The following CELF2 variants were observed in gnomAD, a reference collection of about 807,000 sequenced individuals.
CELF2 encodes CUGBP Elav-like family member 2.
In CELF2, 8 loss-of-function variants were observed where a neutral mutation model predicts 62.6. The observed-to-expected ratio is 0.13, with a 90% CI of 0.07 to 0.23. The LOEUF is 0.23. Among genes scored for constraint, CELF2 ranks in the 10% least tolerant of loss-of-function variants. The pLI, the probability that CELF2 is intolerant of heterozygous loss-of-function variation, is 1.00. For missense variants in CELF2, 333 were observed against 671.0 expected (o/e 0.50, Z 5.56); for synonymous variants, 258 against 250.0 (o/e 1.03, Z -0.30).
intron 1 of CELF2, among the ~76,000 whole-genome samples, chr10:11,127,454 T>C (rs1486080162): frequency 6.6e-6 from 1 of 152,214 alleles, no homozygotes; most frequent in Non-Finnish European, 1.5e-5. Flanking sequence ...TTCTAGATCC[T>C]TGAGGAATCA....
the CELF2 span, among the ~76,000 whole-genome samples, chr10:10,652,124 G>C: frequency 1.1e-5 from 1 of 91,774 alleles, no homozygotes; most frequent in African/African-American, 4.0e-5. Flanking sequence ...GGGTATCAGC[G>C]ATGGAAGATG....
At chr10:10,689,471 C>G in the CELF2 span, among the ~76,000 whole-genome samples, 5 of 146,120 alleles carry the variant, frequency 3.4e-5, no homozygotes, top group African/African-American at 1.3e-4. Flanking sequence ...AACCATATCA[C>G]CTTTGCAGTA....
Position 11,329,098 on chromosome 10 carries a change from G to GT in CELF2, c.*46dup. ...CTGCTCTCATTTTAGCTTTCTTAGG[G>GT]TAAGTCCCACGAGCCAGCCTGTCTC... On this transcript the variant is annotated 3_prime_UTR_variant, in exon 13 of 13. Coordinates refer to ENST00000633077, the MANE Select transcript of CELF2 (RefSeq NM_001326342.2). This position sits in a 1 kb window ranked among gnomAD's most constrained non-coding sequence, Gnocchi z 5.5. 1 of 1,562,152 alleles carries GT rather than the reference G, an allele frequency of 6.4e-7. No homozygotes were observed. The highest frequency in any genetic ancestry group is 8.7e-7 in the Non-Finnish European group (1 of 1,145,428).
the CELF2 span, among the ~76,000 whole-genome samples, chr10:10,600,355 A>C: frequency 2.0e-5 from 3 of 152,204 alleles, no homozygotes; most frequent in Non-Finnish European, 2.9e-5. Context: ...TGTTTTGAAG[A>C]CCACAGGACT....
In CELF2 at chr10:11,005,403, T is replaced by C. The variant is rs1347384081; in HGVS notation, c.16T>C (p.Ser6Pro). 1.2e-6 allele frequency: 2 copies of C among 1,613,916 alleles called. No individual in the cohort carries two copies. Among genetic ancestry groups the C allele is most frequent in the South Asian group, 2.2e-5 (2 of 91,078 alleles). ...GTATAGAAGCATGCGCTGTCCCAAA[T>C]CCGCTGTTACTATGAGAAATGAAGA... is the stretch of plus-strand genomic sequence containing the variant. Residue 6 changes from serine to proline, a missense_variant, in exon 1 of 13, where the codon TCC (serine) becomes CCC (proline). Transcript: ENST00000416382. The surrounding 1 kb of genome is among the most constrained non-coding windows in gnomAD (Gnocchi z 4.3).
the CELF2 span, among the ~76,000 whole-genome samples, chr10:10,475,329 TG>T: frequency 3.9e-5 from 6 of 152,044 alleles, no homozygotes; most frequent in Admixed American, 3.9e-4. Context: ...CCATGTCCCC[TG>T]AAACTTTGAC....
intron 1 of CELF2, among the ~76,000 whole-genome samples, chr10:11,160,559 T>C (rs1413295529): frequency 1.3e-5 from 2 of 150,980 alleles, no homozygotes; most frequent in East Asian, 3.9e-4. Flanking sequence ...ATGTATCTAG[T>C]GGCCACCATA....
the CELF2 span, among the ~76,000 whole-genome samples, chr10:10,717,429 C>T: frequency 6.6e-6 from 1 of 151,776 alleles, no homozygotes; most frequent in Non-Finnish European, 1.5e-5. Context: ...AAAACAGCCC[C>T]TTGAATGTCT....
intron 9 of CELF2, among the ~76,000 whole-genome samples, chr10:11,308,605 C>T (rs2094397704): frequency 1.3e-5 from 2 of 152,196 alleles, no homozygotes; most frequent in African/African-American, 4.8e-5. Flanking sequence ...AATCAGGACA[C>T]AAGTAAATTA....
chr10:11,324,649 C>T lies in CELF2; in HGVS notation c.1295-1187C>T, dbSNP rs1422520141. On this transcript the variant is annotated intron_variant, in intron 11 of 12. Coordinates refer to ENST00000633077, the MANE Select transcript of CELF2 (RefSeq NM_001326342.2). The surrounding 1 kb of genome is among the most constrained non-coding windows in gnomAD (Gnocchi z 4.7). ...AAGAAGTTTTCTTTGTGAAAAGTCC[C>T]AATCATTAGGATACTTTCTTGTGAT... Among the ~76,000 whole-genome samples, 4 of 152,196 alleles carry T rather than the reference C, an allele frequency of 2.6e-5. No homozygotes were observed. The highest frequency in any genetic ancestry group is 9.7e-5 in the African/African-American group (4 of 41,436).
intron 2 of CELF2, among the ~76,000 whole-genome samples, chr10:11,185,435 A>G (rs1436663110): frequency 6.6e-6 from 1 of 151,992 alleles, no homozygotes; most frequent in African/African-American, 2.4e-5. Flanking sequence ...TGCCCCCAAG[A>G]TGGAGTTTCA....
chr10:11,165,927 C>T lies in CELF2; in HGVS notation c.271+245C>T, dbSNP rs149960363. Among the ~76,000 whole-genome samples the T allele has an allele frequency of 2.5e-3, 375 of 152,352 alleles. 2 individuals carry two copies. Among genetic ancestry groups the T allele is most frequent in the African/African-American group, 8.7e-3 (363 of 41,594 alleles). ...GAGGCAGGGCGGGAGCGCAGAGGCT[C>T]GGTCCAGGCGCGTGATCGCTCCCGG... On this transcript the variant is annotated intron_variant, in intron 2 of 12. Coordinates refer to ENST00000633077, the MANE Select transcript of CELF2 (RefSeq NM_001326342.2). This position sits in a 1 kb window ranked among gnomAD's most constrained non-coding sequence, Gnocchi z 7.4.
chr10:10,637,902 A>G, the CELF2 span, among the ~76,000 whole-genome samples: 1 of 152,226 alleles, frequency 6.6e-6, no homozygotes, highest in Non-Finnish European at 1.5e-5. Context: ...CATTATATTT[A>G]CAAGGTTCAG....
Position 11,270,283 on chromosome 10 carries a change from G to A in CELF2, c.619-383G>A, listed in dbSNP as rs1364755801. 2.0e-5 allele frequency among the ~76,000 whole-genome samples: 3 copies of A among 152,182 alleles called. No homozygotes were observed. Among genetic ancestry groups the A allele is most frequent in the Admixed American group, 6.5e-5 (1 of 15,288 alleles). On this transcript the variant is annotated intron_variant, in intron 6 of 12. Transcript: ENST00000633077. This position sits in a 1 kb window ranked among gnomAD's most constrained non-coding sequence, Gnocchi z 5.8. ...CTCTGTCCACCTGTGGACACGGGCA[G>A]ACACACAAAGCCAAGTCTGTCTTTA...
intron 1 of CELF2, among the ~76,000 whole-genome samples, chr10:11,076,906 C>T (rs925318460): frequency 6.6e-6 from 1 of 152,084 alleles, no homozygotes; most frequent in Non-Finnish European, 1.5e-5. Flanking sequence ...TTATTGATAA[C>T]ATGTAGCTTT....
chr10:11,274,452 C>T (rs2085180139), intron 7 of CELF2, among the ~76,000 whole-genome samples: 2 of 152,186 alleles, frequency 1.3e-5, no homozygotes, highest in Admixed American at 6.5e-5. Flanking sequence ...CGCGTGACTT[C>T]GATGTACATA....
chr10:10,730,482 T>TA, the CELF2 span, among the ~76,000 whole-genome samples: 1,635 of 151,588 alleles, frequency 0.011, 27 homozygotes, highest in African/African-American at 0.036. Flanking sequence ...GTCTCAAAAA[T>TA]AAAAAATAAA....
chr10:10,941,800 C>A (rs1292233876), intron 2 of CELF2, among the ~76,000 whole-genome samples: 1 of 152,040 alleles, frequency 6.6e-6, no homozygotes, highest in Admixed American at 6.6e-5. Context: ...TTGAGACCAG[C>A]CTGGCCAACA....
chr10:11,005,253 AG>A, upstream of CELF2: 2 of 1,403,094 alleles, frequency 1.4e-6, no homozygotes, highest in South Asian at 1.3e-5. The surrounding 1 kb of genome is among the most constrained non-coding windows in gnomAD (Gnocchi z 4.3). Flanking sequence ...ACAGAGAGAG[AG>A]GGAGAGAGAG....
Sources: gnomAD v4.1 joint callset for allele counts (sites outside exome capture counted in the v4.1 genomes callset) on GRCh38, gnomAD v4.1.1 for gene constraint, Gnocchi (gnomAD v3.1) non-coding constraint, MANE v1.5 for transcripts, NCBI Gene and HGNC (gene_info 2026-07-23, HGNC 2026-07-21) for gene names.